BCAR3: variants seen among roughly 807,000 people sequenced by gnomAD.
The protein encoded by BCAR3 is breast cancer anti-estrogen resistance protein 3.
A neutral mutation model predicts 80.1 loss-of-function variants in BCAR3; 37 were observed. The ratio of observed to expected loss-of-function variants is 0.46; its 90% CI spans 0.36 to 0.61. The LOEUF is 0.61. Ranked by LOEUF, BCAR3 falls within the 20% of genes least tolerant of loss-of-function variation. BCAR3 has a pLI of 0.00. For missense variants in BCAR3, 978 were observed against 1,068.2 expected (o/e 0.92, Z 1.18); for synonymous variants, 389 against 418.9 (o/e 0.93, Z 0.87).
chr1:93,619,278 A>G (rs1313259149), intron 3 of BCAR3, among the ~76,000 whole-genome samples: 2 of 152,012 alleles, frequency 1.3e-5, no homozygotes, highest in Non-Finnish European at 2.9e-5. Context: ...GTCTCTAGTG[A>G]TAAGTGGAAA....
intron 5 of BCAR3, 28 bp from the exon 6 acceptor site, chr1:93,584,149 A>G: frequency 6.2e-7 from 1 of 1,601,624 alleles, no homozygotes; most frequent in Non-Finnish European, 8.5e-7. Context: ...TAGGATGGAA[A>G]TGTGTTACTA....
chr1:93,817,773 G>T (rs1341278082), intron 2 of BCAR3, among the ~76,000 whole-genome samples: 1 of 152,100 alleles, frequency 6.6e-6, no homozygotes, highest in Non-Finnish European at 1.5e-5. Flanking sequence ...ATGGGCTACA[G>T]CTGACTAGCC....
At chr1:93,648,536 T>C (rs1383336688) in intron 2 of BCAR3, among the ~76,000 whole-genome samples, 2 of 152,188 alleles carry the variant, frequency 1.3e-5, no homozygotes, top group Non-Finnish European at 2.9e-5. Flanking sequence ...TAGAGAATTT[T>C]TCGTTAACTG....
rs761587439 is a variant in BCAR3, at chr1:93,584,080, T to C, written c.971A>G (p.His324Arg). The C allele has an allele frequency of 9.9e-6, 16 of 1,614,082 alleles. No homozygotes were observed. The highest frequency in any genetic ancestry group is 1.6e-4 in the Middle Eastern group (1 of 6,084). Reference protein sequence around the residue: ...KSGSQPACLDHMQDRRALSLK... With the variant: ...KSGSQPACLDRMQDRRALSLK... Reference sequence around the variant, plus strand: ...GGACAAGGCTCTTCTGTCCTGCATGTGATCCAGGCAGGCGGGCTGGCTACC... The same window carrying C: ...GGACAAGGCTCTTCTGTCCTGCATGCGATCCAGGCAGGCGGGCTGGCTACC... Residue 324 changes from histidine to arginine, a missense_variant, in exon 6 of 12, where the codon CAC becomes CGC. By Grantham distance (29) the His-to-Arg change is conservative. Coordinates refer to ENST00000260502, the MANE Select transcript of BCAR3 (RefSeq NM_003567.4).
chr1:93,689,716 G>C (rs1649105120), intron 3 of BCAR3, among the ~76,000 whole-genome samples: 1 of 152,192 alleles, frequency 6.6e-6, no homozygotes, highest in Admixed American at 6.5e-5. Context: ...TGACCGGAAA[G>C]GGCTCAGTTT....
intron 2 of BCAR3, among the ~76,000 whole-genome samples, chr1:93,803,326 C>G (rs1386456496): frequency 6.6e-6 from 1 of 152,032 alleles, no homozygotes; most frequent in Non-Finnish European, 1.5e-5. Flanking sequence ...CTCGGCTGAT[C>G]AAAGAAACCG....
In BCAR3 at chr1:93,582,498, C is replaced by G. The variant is rs772548512; in HGVS notation, c.1489G>C (p.Gly497Arg). The G allele has an allele frequency of 4.3e-6, 7 of 1,614,136 alleles. No individual in the cohort carries two copies. In the South Asian group the frequency reaches 7.7e-5, roughly 18 times the overall value. ...WEPAAAQMEKGQWDKGEFVTP... is the reference protein window; with the variant it reads ...WEPAAAQMEKRQWDKGEFVTP... Reference sequence around the variant, plus strand: ...ACAAACTCGCCCTTGTCCCACTGCCCCTTCTCCATCTGAGCTGCCGCAGGT... The same window carrying G: ...ACAAACTCGCCCTTGTCCCACTGCCGCTTCTCCATCTGAGCTGCCGCAGGT... Residue 497 changes from glycine to arginine, a missense_variant, in exon 7 of 12, where the codon GGG (glycine) becomes CGG (arginine). Physicochemically the swap from Gly to Arg is moderately radical, Grantham distance 125. Coordinates refer to ENST00000260502, the MANE Select transcript of BCAR3 (RefSeq NM_003567.4).
intron 2 of BCAR3, among the ~76,000 whole-genome samples, chr1:93,759,239 C>A (rs142975800): frequency 6.6e-6 from 1 of 152,104 alleles, no homozygotes. Flanking sequence ...AACAGGAAGG[C>A]GCCGAAAGCT....
intron 2 of BCAR3, among the ~76,000 whole-genome samples, chr1:93,802,127 C>T (rs1460208411): frequency 8.7e-6 from 1 of 114,400 alleles, no homozygotes; most frequent in Admixed American, 9.4e-5. Flanking sequence ...GACTCCATCT[C>T]AAAAAAAAAA....
chr1:93,698,131 G>A (rs1019172666), intron 3 of BCAR3, among the ~76,000 whole-genome samples: 13 of 152,198 alleles, frequency 8.5e-5, no homozygotes, highest in East Asian at 1.9e-4. Flanking sequence ...AGGCAGCAGC[G>A]GAAGCAGGAT....
Position 93,674,530 on chromosome 1 carries a change from G to A in BCAR3, c.317+84C>T, listed in dbSNP as rs921933261. Reference sequence around the variant, plus strand: ...CTCCCAAAGTGCTGGGATTACAGGTGTGAGCCACCACGCCCGGCCATAAAA... The same window carrying A: ...CTCCCAAAGTGCTGGGATTACAGGTATGAGCCACCACGCCCGGCCATAAAA... On this transcript the variant is annotated intron_variant, in intron 2 of 11. Transcript: ENST00000260502. 32 of 1,445,660 alleles carry A rather than the reference G, an allele frequency of 2.2e-5. No homozygotes were observed. In the Admixed American group the frequency reaches 6.9e-4, roughly 31 times the overall value. 89.6% of individuals were successfully genotyped at this position (1,445,660 alleles called of 1,614,324 possible). A position where few individuals can be genotyped will look rare whatever the true frequency, so the allele number is the denominator to read the frequency against.
intron 3 of BCAR3, among the ~76,000 whole-genome samples, chr1:93,696,526 G>T (rs1046874646): frequency 1.3e-5 from 2 of 151,688 alleles, no homozygotes; most frequent in African/African-American, 4.8e-5. Flanking sequence ...TTCCTCTCTC[G>T]CCTGGACTCT....
Position 93,790,065 on chromosome 1 carries a change from T to A in BCAR3, c.-63+55502A>T, listed in dbSNP as rs368740140. Among the ~76,000 whole-genome samples the A allele has an allele frequency of 2.6e-4, 40 of 152,286 alleles. 3 individuals are homozygous for A. Among genetic ancestry groups the A allele is most frequent in the Admixed American group, 1.2e-3 (19 of 15,302 alleles). ...CATAGAAGACTGCCTTTACTTACAT[T>A]CTATGGCTATTAGTTCAAATTGATG... On this transcript the variant is annotated intron_variant, in intron 2 of 13. Coordinates refer to the BCAR3 transcript ENST00000370244.
intron 2 of BCAR3, among the ~76,000 whole-genome samples, chr1:93,654,781 C>T (rs569536385): frequency 6.6e-6 from 1 of 152,294 alleles, no homozygotes; most frequent in South Asian, 2.1e-4. Context: ...GGCTTGCTCC[C>T]TCCCACCATT....
chr1:93,641,691 A>C (rs562693224), intron 3 of BCAR3, among the ~76,000 whole-genome samples: 2 of 152,318 alleles, frequency 1.3e-5, no homozygotes, highest in Admixed American at 1.3e-4. Flanking sequence ...TAATATTACT[A>C]CTTGGCCCCA....
intron 2 of BCAR3, among the ~76,000 whole-genome samples, chr1:93,756,810 A>G (rs942887828): frequency 6.6e-6 from 1 of 152,206 alleles, no homozygotes; most frequent in Non-Finnish European, 1.5e-5. Context: ...TGGCATCAAC[A>G]GCACTCAGAG....
intron 2 of BCAR3, among the ~76,000 whole-genome samples, chr1:93,652,544 G>A (rs1676356225): frequency 6.6e-6 from 1 of 152,052 alleles, no homozygotes; most frequent in African/African-American, 2.4e-5. Context: ...ACACAAGACT[G>A]TACAGCAAAC....
intron 2 of BCAR3, among the ~76,000 whole-genome samples, chr1:93,726,180 T>C (rs1016600028): frequency 6.6e-6 from 1 of 152,094 alleles, no homozygotes; most frequent in African/African-American, 2.4e-5. Context: ...TTCTCCCACC[T>C]CAGCCTCCTG....
chr1:93,634,915 A>G (rs1675732686), intron 3 of BCAR3, among the ~76,000 whole-genome samples: 1 of 152,136 alleles, frequency 6.6e-6, no homozygotes, highest in African/African-American at 2.4e-5. Flanking sequence ...AGACTAACAC[A>G]ATGTGTGTTT....
Sources: allele counts gnomAD v4.1 joint callset (sites outside exome capture counted in the v4.1 genomes callset), GRCh38; gene constraint gnomAD v4.1.1; transcripts MANE v1.5; gene names NCBI Gene and HGNC (gene_info 2026-07-23, HGNC 2026-07-21).